The following RUNDC3B variants were observed in gnomAD, a reference collection of about 807,000 sequenced individuals.
RUNDC3B encodes the protein RUN domain containing 3B.
A neutral mutation model predicts 58.4 loss-of-function variants in RUNDC3B; 33 were observed. The observed-to-expected ratio is 0.56, with a 90% CI of 0.43 to 0.75. The LOEUF (loss-of-function observed/expected upper bound fraction) is 0.75, where lower values mean the gene tolerates loss of function less well. Among genes scored for constraint, RUNDC3B ranks in the 30% least tolerant of loss-of-function variants. The pLI is 0.00. For synonymous variants in RUNDC3B, 193 were observed against 195.2 expected, an observed-to-expected ratio of 0.99 and a Z score of 0.10; for missense variants, 501 against 535.7, an observed-to-expected ratio of 0.94 and a Z score of 0.64.
intron 8 of RUNDC3B, among the ~76,000 whole-genome samples, chr7:87,797,159 A>C (rs891400888): frequency 6.6e-6 from 1 of 152,202 alleles, no homozygotes; most frequent in Non-Finnish European, 1.5e-5. Context: ...AAAGAATATA[A>C]AATATGAATA....
chr7:87,768,237 G>T (rs1035660487), intron 6 of RUNDC3B, among the ~76,000 whole-genome samples: 3 of 152,186 alleles, frequency 2.0e-5, no homozygotes, highest in Non-Finnish European at 4.4e-5. Context: ...GGGTTCTCAG[G>T]CAGGAGAGAA....
chr7:87,709,341 T>G, intron 3 of RUNDC3B: 1 of 985,322 alleles, frequency 1.0e-6, no homozygotes, highest in Non-Finnish European at 1.2e-6. Flanking sequence ...TTTCTGTGTC[T>G]TTTAGATGAA....
chr7:87,645,776 T>C (rs1044316756), intron 1 of RUNDC3B, among the ~76,000 whole-genome samples: 5 of 152,206 alleles, frequency 3.3e-5, no homozygotes, highest in Admixed American at 2.0e-4. Context: ...TACTCTGGCA[T>C]ATACTCATGA....
chr7:87,793,953 A>G (rs894852221), intron 8 of RUNDC3B, among the ~76,000 whole-genome samples: 9 of 152,216 alleles, frequency 5.9e-5, no homozygotes, highest in African/African-American at 1.7e-4. Flanking sequence ...CCACCAAAAA[A>G]CTATTAAAAC....
At chr7:87,736,607 GT>G (rs1186107184) in intron 4 of RUNDC3B, among the ~76,000 whole-genome samples, 4 of 151,272 alleles carry the variant, frequency 2.6e-5, no homozygotes, top group African/African-American at 9.7e-5. Flanking sequence ...GTATCAAATA[GT>G]TGCTTGTAAT....
intron 1 of RUNDC3B, among the ~76,000 whole-genome samples, chr7:87,640,084 A>G (rs997473247): frequency 1.3e-5 from 2 of 150,200 alleles, no homozygotes; most frequent in African/African-American, 4.9e-5. Flanking sequence ...TTTGGCAGTT[A>G]CCTTTGGTTT....
At chr7:87,731,749 G>A (rs751346848) in intron 4 of RUNDC3B, among the ~76,000 whole-genome samples, 6 of 152,130 alleles carry the variant, frequency 3.9e-5, no homozygotes, top group Non-Finnish European at 8.8e-5. Flanking sequence ...CCCAACAATG[G>A]AGCACACAGA....
chr7:87,826,644 C>T (rs968080445), intron 10 of RUNDC3B, among the ~76,000 whole-genome samples: 4 of 151,998 alleles, frequency 2.6e-5, no homozygotes, highest in African/African-American at 9.7e-5. Flanking sequence ...TTTATAGAGT[C>T]ACTGGAGAAG....
At chr7:87,648,652 G>C (rs1823266327) in intron 1 of RUNDC3B, among the ~76,000 whole-genome samples, 1 of 152,086 alleles carries the variant, frequency 6.6e-6, no homozygotes, top group Non-Finnish European at 1.5e-5. Context: ...TGAATTCTCA[G>C]TGTTTCTAAT....
intron 9 of RUNDC3B, among the ~76,000 whole-genome samples, chr7:87,808,227 T>G (rs1355597320): frequency 1.3e-5 from 2 of 151,920 alleles, no homozygotes; most frequent in Non-Finnish European, 2.9e-5. Context: ...TCTGTTTGAT[T>G]TTTTCCCTTC....
At chr7:87,634,247 C>T (rs918945352) in intron 1 of RUNDC3B, among the ~76,000 whole-genome samples, 1 of 152,090 alleles carries the variant, frequency 6.6e-6, no homozygotes, top group African/African-American at 2.4e-5. Flanking sequence ...AACACCATCA[C>T]ATTGGAGATC....
intron 2 of RUNDC3B, among the ~76,000 whole-genome samples, chr7:87,697,949 G>A (rs536675497): frequency 6.6e-6 from 1 of 152,212 alleles, no homozygotes; most frequent in East Asian, 1.9e-4. Flanking sequence ...GACATGAAAA[G>A]TGCCCTAGAG....
Position 87,770,591 on chromosome 7 carries a change from A to G in RUNDC3B, c.640A>G (p.Ile214Val), listed in dbSNP as rs1486468850. The G allele has an allele frequency of 1.2e-6, 2 of 1,613,180 alleles. No homozygotes were observed. The highest frequency in any genetic ancestry group is 1.7e-6 in the Non-Finnish European group (2 of 1,179,394). ...TTTTGATCTTCCCAGTTCTGATAGT[A>G]TCAGCAGTGATGAGGAGGAGCTAAG... is the stretch of plus-strand genomic sequence containing the variant. Reference protein sequence around the residue: ...YLKYIQSSDSISSDEEELRTL... With the variant: ...YLKYIQSSDSVSSDEEELRTL... Residue 214 changes from isoleucine to valine, a missense_variant, in exon 7 of 11, where the codon ATC (isoleucine) becomes GTC (valine). Physicochemically the swap from Ile to Val is conservative, Grantham distance 29. Coordinates refer to ENST00000394654, the MANE Select transcript of RUNDC3B (RefSeq NM_001134405.2).
chr7:87,743,414 C>CA (rs1244066351), intron 6 of RUNDC3B, among the ~76,000 whole-genome samples: 5 of 152,124 alleles, frequency 3.3e-5, no homozygotes, highest in Non-Finnish European at 2.9e-5. Flanking sequence ...AGTGGCTGTA[C>CA]TAGTTTATAT....
At chr7:87,746,181 A>T (rs1832630409) in intron 6 of RUNDC3B, among the ~76,000 whole-genome samples, 1 of 152,064 alleles carries the variant, frequency 6.6e-6, no homozygotes, top group South Asian at 2.1e-4. Flanking sequence ...ATATAATTTC[A>T]ATTTTCTTAA....
At chr7:87,772,910 G>A (rs1213867087) in intron 7 of RUNDC3B, among the ~76,000 whole-genome samples, 2 of 151,736 alleles carry the variant, frequency 1.3e-5, no homozygotes, top group Non-Finnish European at 2.9e-5. Context: ...TTGAAACTAG[G>A]GGGATAAATA....
chr7:87,828,367 C>T (rs1837951052), intron 10 of RUNDC3B, among the ~76,000 whole-genome samples: 1 of 152,076 alleles, frequency 6.6e-6, no homozygotes. Context: ...CACCCTTGCC[C>T]CCCACCACAC....
intron 2 of RUNDC3B, among the ~76,000 whole-genome samples, chr7:87,693,177 T>C (rs1007172627): frequency 2.6e-5 from 4 of 151,914 alleles, no homozygotes; most frequent in Non-Finnish European, 5.9e-5. Context: ...ACTAGCAATT[T>C]CTGAAAAATA....
intron 9 of RUNDC3B, among the ~76,000 whole-genome samples, chr7:87,815,198 C>T (rs1222963567): frequency 4.6e-5 from 7 of 151,848 alleles, no homozygotes; most frequent in Non-Finnish European, 8.8e-5. Flanking sequence ...GTAACTAAGT[C>T]TACTTTTGTG....
Sources: allele counts gnomAD v4.1 joint callset (sites outside exome capture counted in the v4.1 genomes callset), GRCh38; gene constraint gnomAD v4.1.1; transcripts MANE v1.5; gene names NCBI Gene and HGNC (gene_info 2026-07-23, HGNC 2026-07-21).